SLC35D1: variants seen among roughly 807,000 people sequenced by gnomAD.
SLC35D1 encodes solute carrier family 35 member D1.
SLC35D1 carries 31 observed loss-of-function variants against 46.7 expected under a neutral mutation model. That is an observed-to-expected ratio of 0.66 (90% CI 0.50 to 0.90). SLC35D1 has a LOEUF of 0.90. Among genes scored for constraint, SLC35D1 ranks in the 40% least tolerant of loss-of-function variants. The pLI, the probability that SLC35D1 is intolerant of heterozygous loss-of-function variation, is 0.00. For synonymous variants in SLC35D1, 195 were observed against 164.6 expected (o/e 1.18, Z -1.41); for missense variants, 397 against 426.2 (o/e 0.93, Z 0.60).
rs1249317753 is a variant in SLC35D1 at position 67,052,831 on chromosome 1, C to A, written c.264G>T (p.Trp88Cys). The change falls in exon 3 of 12, where the codon TGG (tryptophan) becomes TGT (cysteine). Residue 88 changes from tryptophan to cysteine, a missense_variant. Coordinates refer to ENST00000235345, the MANE Select transcript of SLC35D1 (RefSeq NM_015139.3). Reference sequence around the variant, plus strand: ...TGACTACTCTGAGCGCCTTTCCCACCCAGAGAACTGCCACTGTGGCCACCA... The same window carrying A: ...TGACTACTCTGAGCGCCTTTCCCACACAGAGAACTGCCACTGTGGCCACCA... ...GQMVATVAVL[W>C]VGKALRVVKF... 6 of 1,614,048 alleles carry A rather than the reference C, an allele frequency of 3.7e-6. No individual in the cohort carries two copies. Among genetic ancestry groups the A allele is most frequent in the African/African-American group, 1.3e-5 (1 of 74,906 alleles).
At chr1:67,026,274 TCTA>T (rs1431671680) in intron 8 of SLC35D1, among the ~76,000 whole-genome samples, 1 of 152,190 alleles carries the variant, frequency 6.6e-6, no homozygotes, top group Non-Finnish European at 1.5e-5. Flanking sequence ...TTAGGATAGT[TCTA>T]CTATATTCTT....
At chr1:66,984,974 TA>T in the SLC35D1 span, 1 of 1,475,402 alleles carries the variant, frequency 6.8e-7, no homozygotes, top group East Asian at 2.4e-5. Flanking sequence ...TGGGTTACCT[TA>T]AAAAGTTGAT....
chr1:67,015,716 T>C (rs1667671127), intron 10 of SLC35D1, among the ~76,000 whole-genome samples: 1 of 152,188 alleles, frequency 6.6e-6, no homozygotes, highest in Non-Finnish European at 1.5e-5. Context: ...AAAATTTTTA[T>C]GTACTATTGA....
the SLC35D1 span, among the ~76,000 whole-genome samples, chr1:66,974,525 G>C: frequency 6.6e-6 from 1 of 151,798 alleles, no homozygotes; most frequent in Admixed American, 6.6e-5. Context: ...AGGGACCCCT[G>C]GAATGATAGC....
intron 8 of SLC35D1, among the ~76,000 whole-genome samples, chr1:67,022,812 A>C (rs888403502): frequency 1.3e-5 from 2 of 152,158 alleles, no homozygotes; most frequent in Non-Finnish European, 2.9e-5. Context: ...CTCCTTCCAA[A>C]GTTCCCTCCT....
At chr1:66,995,433 T>TAAAAAAAAAAAAAAAAAAA (rs541234514), downstream of SLC35D1, among the ~76,000 whole-genome samples, 2 of 35,808 alleles carry the variant, frequency 5.6e-5, no homozygotes, top group Non-Finnish European at 4.7e-5. Flanking sequence ...CCTGCTACGC[T>TAAAAAAAAAAAAAAAAAAA]AAAAAAAAAA....
intron 4 of SLC35D1, among the ~76,000 whole-genome samples, chr1:67,051,027 G>C (rs1352788365): frequency 6.6e-6 from 1 of 152,116 alleles, no homozygotes; most frequent in Non-Finnish European, 1.5e-5. Flanking sequence ...CTTATACTTA[G>C]CTGGCAATCA....
intron 8 of SLC35D1, among the ~76,000 whole-genome samples, chr1:67,032,551 T>C (rs1244444253): frequency 6.6e-6 from 1 of 151,910 alleles, no homozygotes; most frequent in Non-Finnish European, 1.5e-5. Flanking sequence ...CGTGGTGGCG[T>C]GCACCTGTAA....
At chr1:66,997,517 A>ATATATATAT (rs1319900394), downstream of SLC35D1, among the ~76,000 whole-genome samples, 432 of 24,032 alleles carry the variant, frequency 0.018, no homozygotes, top group Non-Finnish European at 0.033. Context: ...AAAAAAAAAA[A>ATATATATAT]AAATATATAT....
At chr1:67,032,576 G>A (rs943796884) in intron 8 of SLC35D1, among the ~76,000 whole-genome samples, 3 of 152,044 alleles carry the variant, frequency 2.0e-5, no homozygotes, top group Non-Finnish European at 4.4e-5. Flanking sequence ...AGCTACTCAG[G>A]AGGCTGAGGC....
the SLC35D1 span, among the ~76,000 whole-genome samples, chr1:66,994,027 G>A: frequency 5.1e-5 from 7 of 137,502 alleles, no homozygotes; most frequent in African/African-American, 6.3e-5. Context: ...CTAAAATGCA[G>A]GACAATCAGC....
the SLC35D1 span, among the ~76,000 whole-genome samples, chr1:66,982,146 T>C: frequency 3.3e-5 from 5 of 152,370 alleles, no homozygotes; most frequent in East Asian, 9.6e-4. Flanking sequence ...CAGTGACTAT[T>C]TCTTGTAAGA....
the SLC35D1 span, among the ~76,000 whole-genome samples, chr1:66,981,537 A>G: frequency 6.6e-6 from 1 of 152,174 alleles, no homozygotes; most frequent in African/African-American, 2.4e-5. Context: ...ACAAGCTTTA[A>G]AATTTCCTAT....
At chr1:67,007,204 T>C (rs1667468237) in intron 11 of SLC35D1, among the ~76,000 whole-genome samples, 1 of 152,174 alleles carries the variant, frequency 6.6e-6, no homozygotes, top group South Asian at 2.1e-4. Context: ...CCATAAATGG[T>C]GGCTTATAAA....
intron 8 of SLC35D1, among the ~76,000 whole-genome samples, chr1:67,031,498 G>C (rs1437842675): frequency 6.6e-6 from 1 of 152,032 alleles, no homozygotes; most frequent in Non-Finnish European, 1.5e-5. Flanking sequence ...TATCTAGCTA[G>C]TAAGTACCTG....
chr1:67,008,327 C>A, intron 11 of SLC35D1: 1 of 818,144 alleles, frequency 1.2e-6, no homozygotes, highest in Non-Finnish European at 1.7e-6. Context: ...TTAGTAGAGA[C>A]GGGGTATCAC....
the SLC35D1 span, among the ~76,000 whole-genome samples, chr1:66,980,618 T>C: frequency 2.6e-5 from 4 of 152,230 alleles, no homozygotes; most frequent in Non-Finnish European, 4.4e-5. Context: ...CACAAAATTC[T>C]AAGAGATTTG....
chr1:66,978,170 T>C, the SLC35D1 span, among the ~76,000 whole-genome samples: 1 of 145,998 alleles, frequency 6.8e-6, no homozygotes, highest in Non-Finnish European at 1.5e-5. Context: ...CACTCCAGCC[T>C]GGGCAACAGA....
At chr1:67,049,021 G>A (rs1032247947) in intron 6 of SLC35D1, among the ~76,000 whole-genome samples, 9 of 152,178 alleles carry the variant, frequency 5.9e-5, no homozygotes, top group African/African-American at 1.7e-4. Context: ...CAGGCCAGGC[G>A]CGGTGGCTCA....
Sources: allele counts gnomAD v4.1 joint callset (sites outside exome capture counted in the v4.1 genomes callset), GRCh38; gene constraint gnomAD v4.1.1; transcripts MANE v1.5; gene names NCBI Gene and HGNC (gene_info 2026-07-23, HGNC 2026-07-21).